Variants in ZDHHC11 observed in about 807,000 individuals in gnomAD.
ZDHHC11 encodes the protein palmitoyltransferase ZDHHC11.
Under a neutral mutation model 51.3 loss-of-function variants are expected in ZDHHC11, and 44 were observed. That is an observed-to-expected ratio of 0.86 (90% CI 0.67 to 1.10). The LOEUF (loss-of-function observed/expected upper bound fraction) is 1.10. Ranked by LOEUF, ZDHHC11 falls within the 50% of genes least tolerant of loss-of-function variation. ZDHHC11 has a pLI of 0.00. For synonymous variants in ZDHHC11, 163 were observed against 222.0 expected (o/e 0.73, Z 2.36); for missense variants, 400 against 537.7 (o/e 0.74, Z 2.53).
At chr5:808,654 G>T (rs1158632691) in intron 11 of ZDHHC11, among the ~76,000 whole-genome samples, 1 of 148,344 alleles carries the variant, frequency 6.7e-6, no homozygotes, top group Non-Finnish European at 1.5e-5. Context: ...TCCTGCCTCA[G>T]CCTCCCGAGG....
intron 11 of ZDHHC11, among the ~76,000 whole-genome samples, chr5:807,685 G>A (rs1246990155): frequency 6.6e-6 from 1 of 152,168 alleles, no homozygotes; most frequent in African/African-American, 2.4e-5. Context: ...CAACCTTCTT[G>A]GGAAGAGATA....
chr5:818,739 T>C (rs1440195572), intron 10 of ZDHHC11, among the ~76,000 whole-genome samples: 2 of 151,508 alleles, frequency 1.3e-5, no homozygotes, highest in East Asian at 1.9e-4. Context: ...CACACGCCTG[T>C]AGTTTCAGCT....
At chr5:800,458 G>A (rs1399931486) in intron 12 of ZDHHC11, among the ~76,000 whole-genome samples, 1 of 150,754 alleles carries the variant, frequency 6.6e-6, no homozygotes, top group African/African-American at 2.4e-5. Flanking sequence ...CATGTCTCAT[G>A]TTTCTTAGCT....
chr5:859,025 G>A (rs142281585), upstream of ZDHHC11, among the ~76,000 whole-genome samples: 216 of 152,186 alleles, frequency 1.4e-3, no homozygotes, highest in Non-Finnish European at 1.8e-3. Context: ...AACCCAGGGC[G>A]CCTCACAAAG....
At chr5:819,021 A>G (rs1235344169) in intron 10 of ZDHHC11, among the ~76,000 whole-genome samples, 1 of 151,532 alleles carries the variant, frequency 6.6e-6, no homozygotes, top group Non-Finnish European at 1.5e-5. Context: ...ATTCACACAC[A>G]TATACATGAC....
intron 11 of ZDHHC11, among the ~76,000 whole-genome samples, chr5:810,632 C>CTGTGA (rs1739969930): frequency 6.6e-6 from 1 of 151,370 alleles, no homozygotes; most frequent in Admixed American, 6.6e-5. Context: ...AAGTAAAAGG[C>CTGTGA]TGTGAGTGAG....
At chr5:844,401 G>C (rs1257065191) in intron 3 of ZDHHC11, among the ~76,000 whole-genome samples, 25 of 152,392 alleles carry the variant, frequency 1.6e-4, no homozygotes, top group African/African-American at 6.0e-4. Flanking sequence ...GGTGCGACTC[G>C]CCCAAGCCTA....
chr5:824,657 C>T (rs1244521861), intron 8 of ZDHHC11, among the ~76,000 whole-genome samples: 4 of 151,286 alleles, frequency 2.6e-5, no homozygotes, highest in African/African-American at 4.9e-5. Flanking sequence ...CACACATAAC[C>T]ACACCCCCCC....
At chr5:852,800 A>ATT (rs1561312818), upstream of ZDHHC11, among the ~76,000 whole-genome samples, 11 of 72,140 alleles carry the variant, frequency 1.5e-4, no homozygotes, top group South Asian at 5.3e-4. Flanking sequence ...GGAGGACAGC[A>ATT]AGCAGCGGGG....
rs1447068490 is a variant in ZDHHC11 at position 819,503 on chromosome 5, A to G, written c.1146+22T>C. 1.6e-5 allele frequency: 26 copies of G among 1,604,616 alleles called. No individual in the cohort carries two copies. The East Asian group carries it at 5.8e-4, about 36-fold the overall frequency. On this transcript the variant is annotated intron_variant, in intron 10 of 12. Transcript: ENST00000283441. ...TGCACATGGCCCTGTCCTCGGGGAC[A>G]GCGCCAGTGATTGCAACTTACCTGT...
At chr5:833,519 G>A (rs1743340490) in intron 7 of ZDHHC11, among the ~76,000 whole-genome samples, 1 of 151,828 alleles carries the variant, frequency 6.6e-6, no homozygotes, top group African/African-American at 2.4e-5. Flanking sequence ...TTACTCTTGT[G>A]TGTTAGTTTA....
chr5:858,744 AAGACAAAT>A (rs1388995121), intron 1 of ZDHHC11, among the ~76,000 whole-genome samples: 1 of 151,816 alleles, frequency 6.6e-6, no homozygotes, highest in Non-Finnish European at 1.5e-5. Context: ...GGCCCCTCAT[AAGACAAAT>A]CCTCACAGCC....
chr5:852,743 G>A (rs1377467499), upstream of ZDHHC11, among the ~76,000 whole-genome samples: 2 of 143,260 alleles, frequency 1.4e-5, no homozygotes, highest in Admixed American at 1.4e-4. Context: ...CAGCAAACCG[G>A]GGGACAGACC....
At chr5:843,416 TG>T in intron 4 of ZDHHC11, 183 bp downstream of exon 4, 4 of 1,152,072 alleles carry the variant, frequency 3.5e-6, no homozygotes, top group Non-Finnish European at 2.4e-6. Flanking sequence ...TCCCGCGCGC[TG>T]GGGGCTGCTG....
rs1293848204 is a variant in ZDHHC11, at chr5:825,133, T to A, written c.1023+31A>T. ...ACATATTCTGCACACGGCCCTGACCTCGGGGTGCATCGCTGGTGACTGCAA... is the reference window on the plus strand; with the variant it reads ...ACATATTCTGCACACGGCCCTGACCACGGGGTGCATCGCTGGTGACTGCAA... On this transcript the variant is annotated intron_variant, in intron 8 of 12. Coordinates refer to ENST00000283441, the MANE Select transcript of ZDHHC11 (RefSeq NM_024786.3). 17 of 1,595,182 alleles carry A rather than the reference T, an allele frequency of 1.1e-5. 1 individual carries two copies. The highest frequency in any genetic ancestry group is 1.3e-5 in the African/African-American group (1 of 74,562).
intron 3 of ZDHHC11, among the ~76,000 whole-genome samples, chr5:844,243 G>A (rs1439692725): frequency 7.2e-5 from 11 of 152,394 alleles, no homozygotes; most frequent in Admixed American, 1.3e-4. Context: ...AGGGGTGGCC[G>A]TGGGACATTC....
At chr5:803,028 A>G (rs1157899566) in intron 11 of ZDHHC11, among the ~76,000 whole-genome samples, 4 of 149,946 alleles carry the variant, frequency 2.7e-5, no homozygotes, top group African/African-American at 4.9e-5. Context: ...CTCAAAAAAA[A>G]AAAAGAAAAA....
Position 818,971 on chromosome 5 carries a change from C to T in ZDHHC11, c.1146+554G>A, listed in dbSNP as rs536766361. Among the ~76,000 whole-genome samples the T allele has an allele frequency of 9.4e-4, 142 of 151,572 alleles. 3 individuals carry two copies. The highest frequency in any genetic ancestry group is 3.3e-3 in the African/African-American group (137 of 41,372). On this transcript the variant is annotated intron_variant, in intron 10 of 12. Transcript: ENST00000283441. ...CACACAGGGCTTTTCCCGTGAAGGA[C>T]GGACACAGAGTCCATGTATCCATGT... is the stretch of plus-strand genomic sequence containing the variant.
At chr5:810,365 G>A (rs866987171) in intron 11 of ZDHHC11, among the ~76,000 whole-genome samples, 164 of 150,450 alleles carry the variant, frequency 1.1e-3, no homozygotes, top group Middle Eastern at 6.8e-3. Flanking sequence ...GGTCAGCTAC[G>A]TCCACCCATT....
Sources: gnomAD v4.1 joint callset for allele counts (sites outside exome capture counted in the v4.1 genomes callset) on GRCh38, gnomAD v4.1.1 for gene constraint, MANE v1.5 for transcripts, NCBI Gene and HGNC (gene_info 2026-07-23, HGNC 2026-07-21) for gene names.